The following SLC35F1 variants were observed in gnomAD, a reference collection of about 807,000 sequenced individuals.
SLC35F1 encodes chromosome 6 open reading frame 169.
In SLC35F1, 14 loss-of-function variants were observed where a neutral mutation model predicts 48.7. The observed-to-expected ratio is 0.29, with a 90% confidence interval of 0.19 to 0.45. The LOEUF is 0.45. SLC35F1 is among the 20% of genes least tolerant of loss of function. The pLI is 1.00. For synonymous variants in SLC35F1, 190 were observed against 202.2 expected (o/e 0.94, Z 0.51); for missense variants, 404 against 500.0 (o/e 0.81, Z 1.83).
At chr6:118,218,978 TA>T (rs1334842608) in intron 2 of SLC35F1, among the ~76,000 whole-genome samples, 2 of 152,184 alleles carry the variant, frequency 1.3e-5, no homozygotes, top group Non-Finnish European at 2.9e-5. Context: ...ATCAGGTTTT[TA>T]TTTGTTTGTT....
At chr6:118,169,621 T>G (rs767697714) in intron 2 of SLC35F1, among the ~76,000 whole-genome samples, 1 of 152,184 alleles carries the variant, frequency 6.6e-6, no homozygotes, top group Non-Finnish European at 1.5e-5. Flanking sequence ...TTACCTGGAC[T>G]GCTACTACCA....
chr6:118,256,682 G>T (rs1259229845), intron 3 of SLC35F1, among the ~76,000 whole-genome samples: 1 of 152,118 alleles, frequency 6.6e-6, no homozygotes, highest in African/African-American at 2.4e-5. Flanking sequence ...CCTGACTCTT[G>T]TAGATTTTTG....
At chr6:118,252,545 G>T (rs1475898630) in intron 3 of SLC35F1, among the ~76,000 whole-genome samples, 1 of 152,088 alleles carries the variant, frequency 6.6e-6, no homozygotes, top group Non-Finnish European at 1.5e-5. Context: ...TGAGTTTCCT[G>T]TTAGACATCC....
At chr6:118,306,625 T>G (rs1776314831) in intron 7 of SLC35F1, among the ~76,000 whole-genome samples, 1 of 152,178 alleles carries the variant, frequency 6.6e-6, no homozygotes, top group Admixed American at 6.5e-5. Context: ...CATGGGAAGG[T>G]GACATAAATG....
chr6:117,914,180 A>G (rs1775799819), intron 1 of SLC35F1, among the ~76,000 whole-genome samples: 1 of 151,840 alleles, frequency 6.6e-6, no homozygotes, highest in Non-Finnish European at 1.5e-5. Context: ...ATGTGTGTGT[A>G]TATATATAGA....
chr6:117,999,568 GA>G (rs35917912), intron 1 of SLC35F1: 18,446 of 423,822 alleles, frequency 0.044, 9 homozygotes, highest in South Asian at 0.074. Flanking sequence ...CCTGAGGCAG[GA>G]AAAAAAAAAA....
intron 1 of SLC35F1, among the ~76,000 whole-genome samples, chr6:118,128,953 C>G (rs1773670292): frequency 6.6e-6 from 1 of 152,110 alleles, no homozygotes; most frequent in South Asian, 2.1e-4. Flanking sequence ...CATGACTAAG[C>G]AATATCTACT....
At chr6:118,306,256 T>C (rs1336830470) in intron 7 of SLC35F1, among the ~76,000 whole-genome samples, 1 of 152,198 alleles carries the variant, frequency 6.6e-6, no homozygotes, top group Non-Finnish European at 1.5e-5. Flanking sequence ...ACCTTAAATT[T>C]TTAAGATCAA....
At chr6:118,132,098 T>C (rs1242168215) in intron 1 of SLC35F1, among the ~76,000 whole-genome samples, 1 of 152,174 alleles carries the variant, frequency 6.6e-6, no homozygotes, top group Non-Finnish European at 1.5e-5. Context: ...AAGAAGCTGT[T>C]GTTTCAAGAA....
At chr6:118,266,812 A>C (rs1261111108) in intron 3 of SLC35F1, among the ~76,000 whole-genome samples, 183 bp from the exon 4 acceptor site, 2 of 152,208 alleles carry the variant, frequency 1.3e-5, no homozygotes, top group African/African-American at 4.8e-5. Flanking sequence ...TAAGTAAATA[A>C]ATAAAGCTAA....
chr6:117,923,720 T>C (rs201227286), intron 1 of SLC35F1, among the ~76,000 whole-genome samples: 956 of 5,866 alleles, frequency 0.16, 400 homozygotes, highest in South Asian at 0.34. Context: ...CATATATACA[T>C]ATATACATAT....
chr6:118,189,024 A>G (rs1001937609), intron 2 of SLC35F1, among the ~76,000 whole-genome samples: 1 of 151,976 alleles, frequency 6.6e-6, no homozygotes, highest in Non-Finnish European at 1.5e-5. Flanking sequence ...CAATCCTCCC[A>G]CCTCAACCTC....
At chr6:118,107,625 G>T (rs1773343646) in intron 1 of SLC35F1, among the ~76,000 whole-genome samples, 1 of 152,096 alleles carries the variant, frequency 6.6e-6, no homozygotes, top group Non-Finnish European at 1.5e-5. Flanking sequence ...GGACAGAAAT[G>T]GAGATTAGAC....
At chr6:118,203,373 C>T (rs959089746) in intron 2 of SLC35F1, among the ~76,000 whole-genome samples, 1 of 152,234 alleles carries the variant, frequency 6.6e-6, no homozygotes, top group Admixed American at 6.5e-5. Flanking sequence ...ACAAGATACC[C>T]TCCCCTCAGG....
At chr6:118,134,884 A>G (rs778150022) in intron 1 of SLC35F1, among the ~76,000 whole-genome samples, 2 of 151,232 alleles carry the variant, frequency 1.3e-5, no homozygotes, top group Non-Finnish European at 2.9e-5. Flanking sequence ...CCTTCCTTCT[A>G]CTCCCCCTCC....
chr6:118,143,392 C>T (rs1346832642), intron 1 of SLC35F1, among the ~76,000 whole-genome samples: 1 of 152,150 alleles, frequency 6.6e-6, no homozygotes, highest in Non-Finnish European at 1.5e-5. Flanking sequence ...CCCCTCTTTC[C>T]TACTCTCCAA....
Position 118,213,478 on chromosome 6 carries a change from C to T in SLC35F1, c.350-22031C>T, listed in dbSNP as rs1775034339. Among the ~76,000 whole-genome samples the T allele has an allele frequency of 2.6e-5, 4 of 152,022 alleles. No homozygotes were observed. The South Asian group carries it at 8.3e-4, about 32-fold the overall frequency. ...GTGAAAAATGTGCATATTCTATGGA[C>T]CAGTATATTTGGGTACTGGTAAGTT... On this transcript the variant is annotated intron_variant, in intron 2 of 7. Transcript: ENST00000360388.
intron 1 of SLC35F1, chr6:117,999,346 G>T: frequency 6.3e-7 from 1 of 1,593,580 alleles, no homozygotes; most frequent in Admixed American, 1.7e-5. Flanking sequence ...CAAAGGCCAA[G>T]GCCAAGGCCA....
At chr6:117,923,704 T>TACATATGTATATACATACATGTACAC (rs1775958364) in intron 1 of SLC35F1, among the ~76,000 whole-genome samples, 1 of 106,640 alleles carries the variant, frequency 9.4e-6, no homozygotes. Context: ...CATATACATA[T>TACATATGTATATACATACATGTACAC]ATGTACATAT....
Sources: gnomAD v4.1 joint callset for allele counts (sites outside exome capture counted in the v4.1 genomes callset) on GRCh38, gnomAD v4.1.1 for gene constraint, MANE v1.5 for transcripts, NCBI Gene and HGNC (gene_info 2026-07-23, HGNC 2026-07-21) for gene names.